The following WDR20 variants were observed in gnomAD, a reference collection of about 807,000 sequenced individuals.
The protein encoded by WDR20 is WD repeat domain 20.
Under a neutral mutation model 38.7 loss-of-function variants are expected in WDR20, and 3 were observed. The ratio of observed to expected loss-of-function variants is 0.08; its 90% CI spans 0.04 to 0.20. The LOEUF is 0.20. Ranked by LOEUF, WDR20 falls within the 10% of genes least tolerant of loss-of-function variation. The pLI, the probability that WDR20 is intolerant of heterozygous loss-of-function variation, is 1.00. For missense variants in WDR20, 559 were observed against 727.7 expected, an observed-to-expected ratio of 0.77 and a Z score of 2.67; for synonymous variants, 298 against 285.6, an observed-to-expected ratio of 1.04 and a Z score of -0.44.
intron 1 of WDR20, among the ~76,000 whole-genome samples, chr14:102,187,971 G>C (rs2065279779): frequency 6.6e-6 from 1 of 152,144 alleles, no homozygotes; most frequent in South Asian, 2.1e-4. Context: ...GCCAGTAAAA[G>C]GATCTTTTAC....
chr14:102,174,498 C>G (rs534784253), intron 1 of WDR20, among the ~76,000 whole-genome samples: 24 of 152,348 alleles, frequency 1.6e-4, no homozygotes, highest in Non-Finnish European at 2.9e-4. Flanking sequence ...CGGCTCACTG[C>G]AACCTCCACC....
chr14:102,209,239 T>C lies in WDR20; in HGVS notation c.1069T>C (p.Ser357Pro). ...STQSRLSKRN[S>P]TDSRPVSVTY... The stretch of plus-strand genomic sequence containing the variant: ...ACAGTCCAGGCTCTCCAAACGGAAC[T>C]CTACAGACAGCCGCCCCGTAAGTGT... Residue 357 changes from serine (S) to proline (P), a missense_variant, in exon 3 of 3, where the codon TCT becomes CCT. Ser to Pro is a moderately conservative substitution (Grantham distance 74, BLOSUM62 -1). Transcript: ENST00000342702. The surrounding 1 kb of genome is among the most constrained non-coding windows in gnomAD (Gnocchi z 6.0). 6.2e-7 allele frequency: 1 copy of C among 1,614,148 alleles called. No homozygotes were observed. The highest frequency in any genetic ancestry group is 8.5e-7 in the Non-Finnish European group (1 of 1,180,036).
At chr14:102,169,856 G>T (rs545172809) in intron 1 of WDR20, among the ~76,000 whole-genome samples, 39 of 152,232 alleles carry the variant, frequency 2.6e-4, no homozygotes, top group South Asian at 2.5e-3. Flanking sequence ...GAGAAAGTCT[G>T]CATTGGGAAT....
chr14:102,148,805 G>A (rs1364708936), intron 1 of WDR20, among the ~76,000 whole-genome samples: 2 of 151,726 alleles, frequency 1.3e-5, no homozygotes, highest in African/African-American at 2.4e-5. Flanking sequence ...TGATCCTCCC[G>A]CCTCAGCCTC....
chr14:102,224,104 C>G (rs2064151943), downstream of WDR20, among the ~76,000 whole-genome samples: 1 of 147,738 alleles, frequency 6.8e-6, no homozygotes, highest in Non-Finnish European at 1.5e-5. Context: ...TGCAGTGGCG[C>G]AATCTCGGCT....
intron 1 of WDR20, among the ~76,000 whole-genome samples, chr14:102,149,885 G>C (rs960438273): frequency 6.6e-6 from 1 of 152,078 alleles, no homozygotes; most frequent in Non-Finnish European, 1.5e-5. Flanking sequence ...GTAGAGATGG[G>C]GTTTCACTGT....
chr14:102,210,974 G>A (rs933499136), downstream of WDR20, among the ~76,000 whole-genome samples: 1 of 152,186 alleles, frequency 6.6e-6, no homozygotes, highest in Non-Finnish European at 1.5e-5. Context: ...CATGTGCGTA[G>A]GCTTCGTCCT....
intron 1 of WDR20, chr14:102,193,412 T>C (rs1001491444): frequency 5.6e-5 from 88 of 1,581,936 alleles, no homozygotes; most frequent in Non-Finnish European, 7.5e-5. Flanking sequence ...TGCTTTGTAT[T>C]ACACTTTTCA....
intron 1 of WDR20, among the ~76,000 whole-genome samples, chr14:102,183,451 T>G (rs539705226): frequency 2.0e-5 from 3 of 152,264 alleles, no homozygotes; most frequent in Non-Finnish European, 4.4e-5. Flanking sequence ...AGCAGTGTAC[T>G]ATGTCCAAAA....
downstream of WDR20, chr14:102,214,450 G>A (rs139588656): frequency 3.3e-4 from 327 of 985,386 alleles, 2 homozygotes; most frequent in African/African-American, 5.3e-3. Context: ...TCCTAGTTAC[G>A]AACTATAAGA....
At chr14:102,165,620 C>A (rs917440727) in intron 1 of WDR20, among the ~76,000 whole-genome samples, 1 of 145,072 alleles carries the variant, frequency 6.9e-6, no homozygotes, top group Non-Finnish European at 1.5e-5. Flanking sequence ...TTTTTTGTTT[C>A]TTTTTCTTTT....
chr14:102,170,359 C>T (rs1475808808), intron 1 of WDR20, among the ~76,000 whole-genome samples: 2 of 152,106 alleles, frequency 1.3e-5, no homozygotes, highest in African/African-American at 2.4e-5. Flanking sequence ...TGAGGAATTG[C>T]TGGGTGAAAA....
At chr14:102,191,343 C>T (rs144993073) in intron 1 of WDR20, 1,831 of 152,306 alleles carry the variant, frequency 0.012, 16 homozygotes, top group Middle Eastern at 0.041. Flanking sequence ...GAATAGCTGG[C>T]TTGGGTGGTT....
chr14:102,223,978 G>A (rs894110183), downstream of WDR20, among the ~76,000 whole-genome samples: 10 of 150,852 alleles, frequency 6.6e-5, no homozygotes, highest in African/African-American at 2.4e-4. Context: ...ACATAACACA[G>A]TTTCTACAGT....
At chr14:102,146,147 A>AGTTTTTTT (rs894730813) in intron 1 of WDR20, among the ~76,000 whole-genome samples, 4 of 151,508 alleles carry the variant, frequency 2.6e-5, no homozygotes, top group Non-Finnish European at 5.9e-5. Context: ...ATGCTGGAAG[A>AGTTTTTTT]GTTTTTTTGT....
chr14:102,194,124 C>T (rs1290090670), intron 1 of WDR20, among the ~76,000 whole-genome samples: 1 of 152,182 alleles, frequency 6.6e-6, no homozygotes, highest in African/African-American at 2.4e-5. Flanking sequence ...GGTATGGTGA[C>T]GTTGGTCAAG....
At chr14:102,140,903 GGTTGT>G (rs2050809669) in intron 1 of WDR20, among the ~76,000 whole-genome samples, 1 of 152,194 alleles carries the variant, frequency 6.6e-6, no homozygotes, top group Non-Finnish European at 1.5e-5. Context: ...GGTTCAGAGG[GGTTGT>G]GTGAGAGTGC....
intron 1 of WDR20, among the ~76,000 whole-genome samples, chr14:102,156,928 T>C (rs1157600370): frequency 6.6e-6 from 1 of 151,696 alleles, no homozygotes; most frequent in African/African-American, 2.4e-5. Flanking sequence ...GAGGCGGAGG[T>C]TGAGTGAGCG....
intron 2 of WDR20, among the ~76,000 whole-genome samples, chr14:102,202,413 T>A (rs1442759385): frequency 3.2e-5 from 4 of 124,404 alleles, no homozygotes; most frequent in Admixed American, 1.0e-4. Context: ...GGAGTCTCGC[T>A]CTGTCGCCCA....
Sources: allele counts gnomAD v4.1 joint callset (sites outside exome capture counted in the v4.1 genomes callset), GRCh38; gene constraint gnomAD v4.1.1; non-coding constraint Gnocchi (gnomAD v3.1); transcripts MANE v1.5; gene names NCBI Gene and HGNC (gene_info 2026-07-23, HGNC 2026-07-21).